PEBP4: variants seen among roughly 807,000 people sequenced by gnomAD.
PEBP4 encodes the protein phosphatidylethanolamine-binding protein 4.
A neutral mutation model predicts 23.9 loss-of-function variants in PEBP4; 22 were observed. The observed-to-expected ratio is 0.92, with a 90% CI of 0.66 to 1.31. PEBP4 has a LOEUF of 1.31. Among genes scored for constraint, PEBP4 ranks in the 40% most tolerant of loss-of-function variants. PEBP4 has a pLI of 0.00. For missense variants in PEBP4, 324 were observed against 281.7 expected (o/e 1.15, Z -1.07); for synonymous variants, 112 against 99.3 (o/e 1.13, Z -0.76).
At chr8:22,827,529 G>A (rs964255889) in intron 3 of PEBP4, among the ~76,000 whole-genome samples, 12 of 151,942 alleles carry the variant, frequency 7.9e-5, no homozygotes, top group African/African-American at 2.7e-4. Flanking sequence ...TTTACTCAGC[G>A]TAATGTTTTT....
In PEBP4 at chr8:22,802,327, C is replaced by T. The variant is rs373826731; in HGVS notation, c.357+15310G>A. On this transcript the variant is annotated intron_variant, in intron 4 of 6. Transcript: ENST00000256404. The stretch of plus-strand genomic sequence containing the variant: ...CCTTCCCACCCATCCCCACTACCCC[C>T]GTGCCAAGCCTGTCTCTCACCCGGC... 6.6e-5 allele frequency among the ~76,000 whole-genome samples: 10 copies of T among 152,348 alleles called. No individual in the cohort carries two copies. The East Asian group carries it at 1.7e-3, about 26-fold the overall frequency.
chr8:22,791,109 C>A (rs1484902754), intron 4 of PEBP4, among the ~76,000 whole-genome samples: 1 of 152,082 alleles, frequency 6.6e-6, no homozygotes, highest in African/African-American at 2.4e-5. Context: ...TAAAGGGCTG[C>A]CTCTTCACGC....
At chr8:22,825,824 A>T (rs932506081) in intron 3 of PEBP4, among the ~76,000 whole-genome samples, 1 of 152,276 alleles carries the variant, frequency 6.6e-6, no homozygotes, top group Admixed American at 6.5e-5. Context: ...AAGAAAATGT[A>T]GTATATCCGT....
At chr8:22,795,063 A>C (rs980289121) in intron 4 of PEBP4, among the ~76,000 whole-genome samples, 9 of 147,326 alleles carry the variant, frequency 6.1e-5, no homozygotes, top group Admixed American at 1.4e-4. Flanking sequence ...CTTGCTATTC[A>C]GTGATATGTC....
At chr8:22,848,878 G>A (rs1213865898) in intron 3 of PEBP4, among the ~76,000 whole-genome samples, 1 of 152,204 alleles carries the variant, frequency 6.6e-6, no homozygotes, top group Non-Finnish European at 1.5e-5. Context: ...AACGTACACT[G>A]TCTAGTCTCT....
chr8:22,857,919 C>A (rs1483790347), intron 3 of PEBP4, among the ~76,000 whole-genome samples: 1 of 152,188 alleles, frequency 6.6e-6, no homozygotes, highest in East Asian at 1.9e-4. Flanking sequence ...TGTCCGTCAC[C>A]TGACTTACAT....
At chr8:22,715,144 T>A (rs961641156) in intron 6 of PEBP4, among the ~76,000 whole-genome samples, 1 of 152,196 alleles carries the variant, frequency 6.6e-6, no homozygotes, top group Admixed American at 6.5e-5. Flanking sequence ...AGTGACTGCA[T>A]GCTCAGATGG....
At chr8:22,738,543 A>T (rs1804919692) in intron 4 of PEBP4, among the ~76,000 whole-genome samples, 1 of 152,102 alleles carries the variant, frequency 6.6e-6, no homozygotes, top group Non-Finnish European at 1.5e-5. Context: ...GAGATGGGAG[A>T]AGCTGGAGCT....
At chr8:22,818,601 C>A (rs1806794882) in intron 3 of PEBP4, among the ~76,000 whole-genome samples, 1 of 152,096 alleles carries the variant, frequency 6.6e-6, no homozygotes, top group Non-Finnish European at 1.5e-5. Flanking sequence ...CAAAGTGCAA[C>A]ACAGAACTGT....
chr8:22,768,488 T>C (rs1017751705), intron 4 of PEBP4, among the ~76,000 whole-genome samples: 2 of 152,164 alleles, frequency 1.3e-5, no homozygotes, highest in African/African-American at 4.8e-5. Context: ...CCCCATCCCC[T>C]GCCAATCCAA....
intron 3 of PEBP4, among the ~76,000 whole-genome samples, chr8:22,917,272 G>A (rs566071600): frequency 6.6e-6 from 1 of 152,098 alleles, no homozygotes. Flanking sequence ...ATACCTTCAT[G>A]CTCTTCTCTG....
intron 3 of PEBP4, among the ~76,000 whole-genome samples, chr8:22,823,190 T>G (rs1475003426): frequency 1.3e-5 from 2 of 152,120 alleles, no homozygotes; most frequent in Middle Eastern, 3.4e-3. Context: ...ATAGTTATAA[T>G]TTAAAATGTT....
intron 4 of PEBP4, among the ~76,000 whole-genome samples, chr8:22,730,485 A>G (rs1210694774): frequency 1.3e-5 from 2 of 152,242 alleles, no homozygotes; most frequent in Non-Finnish European, 2.9e-5. Context: ...ATCCTGAGCC[A>G]TGATGGTGCC....
chr8:22,870,609 G>T (rs956501800), intron 3 of PEBP4, among the ~76,000 whole-genome samples: 1 of 152,202 alleles, frequency 6.6e-6, no homozygotes, highest in Admixed American at 6.5e-5. Flanking sequence ...ACATGTCAAT[G>T]TAGGTTCCTC....
intron 6 of PEBP4, among the ~76,000 whole-genome samples, chr8:22,721,980 G>C (rs1210254193): frequency 6.6e-6 from 1 of 152,022 alleles, no homozygotes; most frequent in Non-Finnish European, 1.5e-5. Flanking sequence ...CTCATGTCTC[G>C]ACCCCTCTGG....
At chr8:22,930,481 A>G (rs1809438103), upstream of PEBP4, among the ~76,000 whole-genome samples, 1 of 152,122 alleles carries the variant, frequency 6.6e-6, no homozygotes, top group Non-Finnish European at 1.5e-5. Context: ...ACTGTCCAGC[A>G]TTCTGAGCAT....
upstream of PEBP4, among the ~76,000 whole-genome samples, chr8:22,928,448 A>T (rs757285267): frequency 1.3e-5 from 2 of 151,032 alleles, no homozygotes; most frequent in South Asian, 2.1e-4. Context: ...AAATAATCGT[A>T]TCTGGAGAAG....
intron 4 of PEBP4, among the ~76,000 whole-genome samples, chr8:22,730,457 C>A (rs1295102061): frequency 1.3e-5 from 2 of 152,220 alleles, no homozygotes; most frequent in African/African-American, 2.4e-5. Context: ...GGGAGGATCA[C>A]CTGAGCCCAG....
chr8:22,860,171 TA>T (rs1451482776), intron 3 of PEBP4, among the ~76,000 whole-genome samples: 1 of 100,786 alleles, frequency 9.9e-6, no homozygotes, highest in African/African-American at 3.5e-5. Flanking sequence ...TATATATGTA[TA>T]TATATATACA....
Sources: gnomAD v4.1 joint callset for allele counts (sites outside exome capture counted in the v4.1 genomes callset) on GRCh38, gnomAD v4.1.1 for gene constraint, MANE v1.5 for transcripts, NCBI Gene and HGNC (gene_info 2026-07-23, HGNC 2026-07-21) for gene names.